Variants in KCTD16 observed in about 807,000 individuals in gnomAD.
KCTD16 encodes the protein BTB/POZ domain-containing protein KCTD16.
KCTD16 carries 13 observed loss-of-function variants against 33.2 expected under a neutral mutation model. That is an observed-to-expected ratio of 0.39 (90% CI 0.25 to 0.62). The LOEUF (loss-of-function observed/expected upper bound fraction) is 0.62. Ranked by LOEUF, KCTD16 falls within the 20% of genes least tolerant of loss-of-function variation. KCTD16 has a pLI of 0.50. For missense variants in KCTD16, 441 were observed against 525.1 expected, an observed-to-expected ratio of 0.84 and a Z score of 1.57; for synonymous variants, 197 against 195.3, an observed-to-expected ratio of 1.01 and a Z score of -0.07.
intron 3 of KCTD16, among the ~76,000 whole-genome samples, chr5:144,228,437 C>G (rs1753999492): frequency 6.6e-6 from 1 of 152,128 alleles, no homozygotes; most frequent in Admixed American, 6.5e-5. Context: ...ACTTTGACAG[C>G]AGCAGTTTCG....
chr5:144,173,015 G>A (rs1040427999), intron 1 of KCTD16, among the ~76,000 whole-genome samples: 2 of 152,182 alleles, frequency 1.3e-5, no homozygotes, highest in African/African-American at 2.4e-5. Flanking sequence ...AAAGGAATGC[G>A]TATACACTGT....
At chr5:144,200,173 G>C (rs1255149318) in intron 2 of KCTD16, among the ~76,000 whole-genome samples, 1 of 148,928 alleles carries the variant, frequency 6.7e-6, no homozygotes, top group Non-Finnish European at 1.5e-5. Flanking sequence ...TTTTTTTAAA[G>C]ATCAAATCTC....
intron 3 of KCTD16, among the ~76,000 whole-genome samples, chr5:144,223,344 C>T (rs903554411): frequency 6.6e-6 from 1 of 151,930 alleles, no homozygotes; most frequent in African/African-American, 2.4e-5. Flanking sequence ...AAAATATGTA[C>T]TATAAATTCT....
At chr5:144,442,450 C>CTTCTTTCTTTCTTTCTTTCT (rs138864208) in intron 3 of KCTD16, among the ~76,000 whole-genome samples, 7,170 of 147,824 alleles carry the variant, frequency 0.049, 199 homozygotes, top group Non-Finnish European at 0.053. Context: ...TCTTTTCTTT[C>CTTCTTTCTTTCTTTCTTTCT]TTCTTTCTTT....
intron 3 of KCTD16, among the ~76,000 whole-genome samples, chr5:144,320,454 G>C (rs1752041700): frequency 6.6e-6 from 1 of 152,172 alleles, no homozygotes; most frequent in Admixed American, 6.5e-5. Flanking sequence ...TCCCTGAAAT[G>C]AGGTGCCTAC....
At chr5:144,413,031 G>A (rs956086102) in intron 3 of KCTD16, among the ~76,000 whole-genome samples, 4 of 152,140 alleles carry the variant, frequency 2.6e-5, no homozygotes, top group Non-Finnish European at 5.9e-5. Context: ...TATTTAAGGT[G>A]CCATATATTC....
intron 3 of KCTD16, among the ~76,000 whole-genome samples, chr5:144,431,194 A>G (rs1220740493): frequency 6.6e-6 from 1 of 152,166 alleles, no homozygotes; most frequent in African/African-American, 2.4e-5. Flanking sequence ...AAAACTAACT[A>G]GCAGGTAATA....
chr5:144,361,779 C>T (rs1751718488), intron 3 of KCTD16, among the ~76,000 whole-genome samples: 1 of 152,028 alleles, frequency 6.6e-6, no homozygotes, highest in African/African-American at 2.4e-5. Context: ...AGGGTGTGTT[C>T]TCATCACAAT....
rs986581055 is a variant in KCTD16 at position 144,342,290 on chromosome 5, C to T, written c.833-131370C>T. On this transcript the variant is annotated intron_variant, in intron 3 of 3. Transcript: ENST00000512467. ...TAGTTCTCCTTGAAGAGGTCCTTCA[C>T]GTCCCTTGTAAGTTGGATTCCTAGG... Among the ~76,000 whole-genome samples the T allele has an allele frequency of 9.9e-5, 15 of 152,280 alleles. No homozygotes were observed. The East Asian group carries it at 1.2e-3, about 12-fold the overall frequency.
chr5:144,246,540 G>C (rs1754553296), intron 3 of KCTD16, among the ~76,000 whole-genome samples: 1 of 152,070 alleles, frequency 6.6e-6, no homozygotes, highest in Non-Finnish European at 1.5e-5. Context: ...TTAAATTAAA[G>C]TTTTAAATAC....
chr5:144,437,774 A>G (rs974418108), intron 3 of KCTD16, among the ~76,000 whole-genome samples: 2 of 152,182 alleles, frequency 1.3e-5, no homozygotes, highest in Admixed American at 6.5e-5. Context: ...TACCTATAAA[A>G]TGAGAGGGTT....
intron 3 of KCTD16, among the ~76,000 whole-genome samples, chr5:144,222,389 G>A (rs910140079): frequency 1.4e-4 from 22 of 152,138 alleles, no homozygotes; most frequent in Non-Finnish European, 8.8e-5. Context: ...AAAGTAAGAT[G>A]CATAACAACT....
At chr5:144,204,700 C>G (rs1753120368) in intron 2 of KCTD16, among the ~76,000 whole-genome samples, 2 of 151,916 alleles carry the variant, frequency 1.3e-5, no homozygotes. Context: ...CTGTGGGTGC[C>G]GGTGCTTCAC....
chr5:144,400,325 C>A (rs1752674400), intron 3 of KCTD16, among the ~76,000 whole-genome samples: 1 of 152,092 alleles, frequency 6.6e-6, no homozygotes, highest in Non-Finnish European at 1.5e-5. Context: ...GAATCCAGAG[C>A]CTGAGAGGGA....
intron 3 of KCTD16, among the ~76,000 whole-genome samples, chr5:144,223,943 G>C (rs1416337220): frequency 6.6e-6 from 1 of 151,480 alleles, no homozygotes; most frequent in Non-Finnish European, 1.5e-5. Context: ...CTCAGCGTAG[G>C]TGTTTTTTTT....
chr5:144,466,999 A>G (rs1231366392), intron 3 of KCTD16, among the ~76,000 whole-genome samples: 1 of 47,878 alleles, frequency 2.1e-5, no homozygotes, highest in Non-Finnish European at 4.0e-5. Flanking sequence ...TATATATATT[A>G]TATATATTAT....
In KCTD16 at chr5:144,427,718, C is replaced by T. The variant is rs185628908; in HGVS notation, c.833-45942C>T. On this transcript the variant is annotated intron_variant, in intron 3 of 3. Coordinates refer to ENST00000512467, the MANE Select transcript of KCTD16 (RefSeq NM_020768.4). ...CAGCCTGGGTGCCTTCCAGGTGATT[C>T]GAAGAAACAGCCAAGATTGAGAATA... Among the ~76,000 whole-genome samples, 471 of 151,948 alleles carry T rather than the reference C, an allele frequency of 3.1e-3. 2 individuals carry two copies. The highest frequency in any genetic ancestry group is 0.011 in the African/African-American group (448 of 41,454).
At chr5:144,462,875 A>G (rs1754232797) in intron 3 of KCTD16, among the ~76,000 whole-genome samples, 1 of 152,190 alleles carries the variant, frequency 6.6e-6, no homozygotes, top group South Asian at 2.1e-4. Flanking sequence ...CATGGAGATA[A>G]TAGTGGATTC....
intron 3 of KCTD16, among the ~76,000 whole-genome samples, chr5:144,379,321 G>A (rs1255118528): frequency 2.0e-5 from 3 of 152,110 alleles, no homozygotes; most frequent in Admixed American, 6.6e-5. Context: ...ATAAAGATTG[G>A]AGGATTAGTA....
Sources: gnomAD v4.1 joint callset for allele counts (sites outside exome capture counted in the v4.1 genomes callset) on GRCh38, gnomAD v4.1.1 for gene constraint, MANE v1.5 for transcripts, NCBI Gene and HGNC (gene_info 2026-07-23, HGNC 2026-07-21) for gene names.